Variants in ATP5F1A observed in about 807,000 individuals in gnomAD.
ATP5F1A encodes ATP synthase F(1) complex subunit alpha, mitochondrial.
A neutral mutation model predicts 57.4 loss-of-function variants in ATP5F1A; 24 were observed. That is an observed-to-expected ratio of 0.42 (90% CI 0.30 to 0.59). The LOEUF (loss-of-function observed/expected upper bound fraction) is 0.59, where lower values mean the gene tolerates loss of function less well. Among genes scored for constraint, ATP5F1A ranks in the 20% least tolerant of loss-of-function variants. The pLI, the probability that ATP5F1A is intolerant of heterozygous loss-of-function variation, is 0.19. For synonymous variants in ATP5F1A, 251 were observed against 255.5 expected, an observed-to-expected ratio of 0.98 and a Z score of 0.17; for missense variants, 494 against 707.9, an observed-to-expected ratio of 0.70 and a Z score of 3.43.
At chr18:46,086,075 A>T in intron 10 of ATP5F1A, 38 bp downstream of exon 10, 1 of 1,602,702 alleles carries the variant, frequency 6.2e-7, no homozygotes, top group African/African-American at 1.3e-5. Context: ...CCTGATACAC[A>T]ATAGGAACCT....
At chr18:46,099,113 C>A (rs1184611743), upstream of ATP5F1A, among the ~76,000 whole-genome samples, 1 of 152,116 alleles carries the variant, frequency 6.6e-6, no homozygotes, top group Non-Finnish European at 1.5e-5. Flanking sequence ...AAAAATATAT[C>A]AACAATCACA....
chr18:46,094,164 TACACACACAC>T (rs71938962), intron 2 of ATP5F1A, among the ~76,000 whole-genome samples: 3 of 149,140 alleles, frequency 2.0e-5, no homozygotes, highest in South Asian at 4.2e-4. Flanking sequence ...TGTGTACACA[TACACACACAC>T]ACACACACAC....
chr18:46,102,075 G>A (rs1051123377), upstream of ATP5F1A, among the ~76,000 whole-genome samples: 14 of 151,578 alleles, frequency 9.2e-5, no homozygotes, highest in South Asian at 2.9e-3. Context: ...TCGGGAGGCT[G>A]AGGCAGGAGA....
chr18:46,086,806 CAT>C (rs1910132081), intron 8 of ATP5F1A, 200 bp downstream of exon 8: 2 of 637,456 alleles, frequency 3.1e-6, no homozygotes, highest in Admixed American at 3.0e-5. Flanking sequence ...TAGAACGAAA[CAT>C]GCTACTCTAT....
At chr18:46,098,521 G>C (rs1911155319), upstream of ATP5F1A, 1 of 664,748 alleles carries the variant, frequency 1.5e-6, no homozygotes, top group Non-Finnish European at 1.9e-6. Flanking sequence ...CTTTTGAGTC[G>C]ACCTTGTGGT....
upstream of ATP5F1A, among the ~76,000 whole-genome samples, chr18:46,098,988 C>G (rs1389334561): frequency 6.6e-6 from 1 of 152,092 alleles, no homozygotes; most frequent in Non-Finnish European, 1.5e-5. Flanking sequence ...CTAATACATG[C>G]GGAGCTTAAT....
At chr18:46,085,768 A>G (rs1910038728) in intron 10 of ATP5F1A, 1 of 204,374 alleles carries the variant, frequency 4.9e-6, no homozygotes, top group African/African-American at 2.4e-5. Flanking sequence ...CCCTGTCTCT[A>G]CTAAAAATAC....
intron 6 of ATP5F1A, 133 bp downstream of exon 6, chr18:46,087,976 C>T: frequency 1.1e-6 from 1 of 918,858 alleles, no homozygotes; most frequent in African/African-American, 1.7e-5. Flanking sequence ...ATTGTCTTAC[C>T]TACTGATTTG....
chr18:46,095,170 A>C, intron 1 of ATP5F1A, 39 bp from the exon 2 acceptor site: 1 of 1,594,050 alleles, frequency 6.3e-7, no homozygotes, highest in Middle Eastern at 1.7e-4. Context: ...ATTTTTAACA[A>C]AGCCTTTATA....
At chr18:46,097,949 C>T (rs922826106) in intron 1 of ATP5F1A, 36 of 1,287,902 alleles carry the variant, frequency 2.8e-5, no homozygotes, top group Non-Finnish European at 3.1e-5. Context: ...TGTCTCTGGA[C>T]ACCATCGAGT....
intron 1 of ATP5F1A, among the ~76,000 whole-genome samples, chr18:46,096,982 C>CAAAAAAAAAAAA (rs71160709): frequency 2.4e-4 from 18 of 75,168 alleles, no homozygotes; most frequent in African/African-American, 8.1e-4. Context: ...GACACCATCT[C>CAAAAAAAAAAAA]AAAAAAAAAA....
At chr18:46,092,698 G>GA (rs1386305646) in intron 2 of ATP5F1A, among the ~76,000 whole-genome samples, 5 of 150,482 alleles carry the variant, frequency 3.3e-5, no homozygotes, top group Non-Finnish European at 5.9e-5. Flanking sequence ...AGTGATTAAG[G>GA]AAAAAAAAGT....
At chr18:46,091,049 A>G (rs575345257) in intron 3 of ATP5F1A, among the ~76,000 whole-genome samples, 18 of 152,352 alleles carry the variant, frequency 1.2e-4, no homozygotes, top group African/African-American at 4.1e-4. Flanking sequence ...ATTCTTCCAC[A>G]TCAAGTGGCT....
At chr18:46,085,827 G>C (rs1910044286) in intron 10 of ATP5F1A, 1 of 348,146 alleles carries the variant, frequency 2.9e-6, no homozygotes, top group Non-Finnish European at 5.2e-6. Flanking sequence ...GAGCTACTAA[G>C]GAGGCTGAGG....
chr18:46,080,363 C>A lies in ATP5F1A; in HGVS notation c.*3919G>T, dbSNP rs1028845688. The A allele has an allele frequency of 6.6e-6, 1 of 152,184 alleles. No individual in the cohort carries two copies. The highest frequency in any genetic ancestry group is 1.5e-5 in the Non-Finnish European group (1 of 68,036). 9.4% of individuals were successfully genotyped at this position (152,184 alleles called of 1,614,324 possible). A position where few individuals can be genotyped will look rare whatever the true frequency, so the allele number is the denominator to read the frequency against. On this transcript the variant is annotated 3_prime_UTR_variant, in exon 12 of 12. Transcript: ENST00000398752. ...CCCCCAGTGATAAGATAAATGCACA[C>A]AGACACAATTTTATGACAGCCATTT...
In ATP5F1A at chr18:46,081,750, A is replaced by G. The variant is rs1352622200; in HGVS notation, c.*2532T>C. The G allele has an allele frequency of 6.6e-6, 1 of 151,590 alleles. No individual in the cohort carries two copies. Among genetic ancestry groups the G allele is most frequent in the African/African-American group, 2.4e-5 (1 of 41,360 alleles). The allele number at this position is 151,590 out of a possible 1,614,324, so 9.4% of individuals were successfully genotyped here. On this transcript the variant is annotated 3_prime_UTR_variant, in exon 12 of 12. Transcript: ENST00000398752. ...AGTAACTTCCTTATTTCAGAAAAGG[A>G]AAATCAGATCTAGAAGTTATTTCTC...
chr18:46,086,292 G>T (rs1568244399), intron 9 of ATP5F1A, 35 bp from the exon 10 acceptor site: 1 of 1,613,292 alleles, frequency 6.2e-7, no homozygotes, highest in Non-Finnish European at 8.5e-7. Flanking sequence ...GTAACTCAGT[G>T]ACACAGAGCA....
At chr18:46,087,656 G>A in intron 6 of ATP5F1A, 164 bp from the exon 7 acceptor site, 1 of 746,270 alleles carries the variant, frequency 1.3e-6, no homozygotes, top group South Asian at 2.0e-5. Context: ...CTAGGCGGGT[G>A]ATCACCTGAG....
Position 46,098,206 on chromosome 18 carries a change from G to A in ATP5F1A, c.26C>T (p.Ala9Val), listed in dbSNP as rs200039737. 5 of 1,606,926 alleles carry A rather than the reference G, an allele frequency of 3.1e-6. No individual in the cohort carries two copies. The highest frequency in any genetic ancestry group is 1.7e-5 in the Admixed American group (1 of 59,954). The change falls in exon 1 of 12, where the codon GCC (alanine) becomes GTC (valine). Residue 9 changes from alanine to valine, a missense_variant. Around this residue, in one of 6 missense-constraint regions of ATP5F1A, gnomAD observed 142 missense variants for 137.5 expected, o/e 1.03. Coordinates refer to ENST00000398752, the MANE Select transcript of ATP5F1A (RefSeq NM_004046.6). MLSVRVAAAVVRALPRRAG... is the reference protein window; with the variant it reads MLSVRVAAVVVRALPRRAG... The stretch of plus-strand genomic sequence containing the variant: ...CCGCCGAGGAAGGGCGCGGACCACG[G>A]CCGCAGCAACGCGCACGGACAGCAT...
Sources: allele counts gnomAD v4.1 joint callset (sites outside exome capture counted in the v4.1 genomes callset), GRCh38; gene constraint gnomAD v4.1.1; regional missense constraint gnomAD v4.1.1; transcripts MANE v1.5; gene names NCBI Gene and HGNC (gene_info 2026-07-23, HGNC 2026-07-21).